Variants in ROPN1B observed in about 807,000 individuals in gnomAD.
The protein encoded by ROPN1B is rhophilin associated tail protein 1B, also known as ropporin-1B.
In ROPN1B, 13 loss-of-function variants were observed where a neutral mutation model predicts 23.7. The ratio of observed to expected loss-of-function variants is 0.55; its 90% CI spans 0.36 to 0.87. The LOEUF (loss-of-function observed/expected upper bound fraction) is 0.87. Ranked by LOEUF, ROPN1B falls within the 40% of genes least tolerant of loss-of-function variation. The probability of loss-of-function intolerance (pLI) is 0.01; values close to 1 mark genes in which losing one functional copy is unlikely to be tolerated. For missense variants in ROPN1B, 183 were observed against 249.2 expected (o/e 0.73, Z 1.79); for synonymous variants, 67 against 100.4 (o/e 0.67, Z 1.99).
At chr3:125,981,918 G>C (rs1938622423) in intron 5 of ROPN1B, among the ~76,000 whole-genome samples, 1 of 152,096 alleles carries the variant, frequency 6.6e-6, no homozygotes, top group African/African-American at 2.4e-5. Context: ...GATAAGATTG[G>C]AGGGTAATAA....
chr3:125,975,705 G>A (rs2107602754), intron 4 of ROPN1B, 25 bp downstream of exon 4: 1 of 1,583,712 alleles, frequency 6.3e-7, no homozygotes, highest in Non-Finnish European at 8.6e-7. Flanking sequence ...GCAGCATTGA[G>A]GAGAATGTAG....
intron 3 of ROPN1B, among the ~76,000 whole-genome samples, chr3:125,974,534 C>A (rs1938336482): frequency 2.0e-5 from 3 of 152,160 alleles, no homozygotes; most frequent in African/African-American, 4.8e-5. Context: ...AAAAGCAGGG[C>A]GGAACAGAAA....
intron 5 of ROPN1B, among the ~76,000 whole-genome samples, chr3:125,982,011 A>C (rs1015919450): frequency 8.5e-5 from 13 of 152,192 alleles, no homozygotes; most frequent in Admixed American, 4.6e-4. Flanking sequence ...AATATCTTAA[A>C]GTATTTAGGA....
At chr3:125,979,724 T>G (rs541927963) in intron 5 of ROPN1B, among the ~76,000 whole-genome samples, 5 of 152,352 alleles carry the variant, frequency 3.3e-5, no homozygotes, top group Admixed American at 1.3e-4. Context: ...AGCCCAGAGT[T>G]TCTCTTTCCT....
At chr3:125,969,885 C>G (rs1230237581) in intron 1 of ROPN1B, 1 of 150,340 alleles carries the variant, frequency 6.7e-6, no homozygotes, top group Non-Finnish European at 1.5e-5. Flanking sequence ...ACTCCTATCA[C>G]ATATTATTTT....
intron 3 of ROPN1B, among the ~76,000 whole-genome samples, chr3:125,975,285 C>T (rs533611558): frequency 6.6e-6 from 1 of 152,318 alleles, no homozygotes; most frequent in Admixed American, 6.5e-5. Flanking sequence ...CAATATGCTC[C>T]AGGGAATTGC....
chr3:125,981,185 C>A (rs1346631526), intron 5 of ROPN1B, among the ~76,000 whole-genome samples: 1 of 152,126 alleles, frequency 6.6e-6, no homozygotes, highest in African/African-American at 2.4e-5. Flanking sequence ...GTAAAACTAT[C>A]ACTCAAGGAA....
chr3:125,973,046 A>G, intron 3 of ROPN1B: 1 of 364,808 alleles, frequency 2.7e-6, no homozygotes, highest in Admixed American at 3.6e-5. Context: ...TTGAGACAGG[A>G]GTTGGAAGAT....
At chr3:125,973,966 T>C (rs1034461858) in intron 3 of ROPN1B, 5 of 153,824 alleles carry the variant, frequency 3.3e-5, no homozygotes, top group South Asian at 2.1e-4. Flanking sequence ...CTGGTAGGCA[T>C]GTGTTACAAC....
chr3:125,978,520 T>C (rs777853228), intron 5 of ROPN1B, among the ~76,000 whole-genome samples: 1 of 152,222 alleles, frequency 6.6e-6, no homozygotes, highest in Non-Finnish European at 1.5e-5. Flanking sequence ...CCACGCTCTC[T>C]TCTCCAAGAT....
At chr3:125,981,177 A>G (rs894454700) in intron 5 of ROPN1B, among the ~76,000 whole-genome samples, 10 of 152,252 alleles carry the variant, frequency 6.6e-5, no homozygotes, top group African/African-American at 2.4e-4. Flanking sequence ...GCCATCAAGT[A>G]AAACTATCAC....
intron 4 of ROPN1B, 96 bp downstream of exon 4, chr3:125,975,776 G>GACCACTTAGC (rs1275905145): frequency 3.5e-6 from 4 of 1,138,652 alleles, no homozygotes; most frequent in Non-Finnish European, 2.5e-6. Flanking sequence ...CCAGTCAGCT[G>GACCACTTAGC]ACCACTTAGC....
At position 125,975,623 on chromosome 3, in the gene ROPN1B, C is replaced by A. The variant is rs541348602; in HGVS notation, c.177C>A (p.Val59=). 3 of 1,614,054 alleles carry A rather than the reference C, an allele frequency of 1.9e-6. No individual in the cohort carries two copies. The highest frequency in any genetic ancestry group is 2.5e-6 in the Non-Finnish European group (3 of 1,179,998). Residue 59 remains valine (V), a synonymous_variant, in exon 4 of 7, where the codon GTC becomes GTA. Transcript: ENST00000514116. ...TPPVRERSER[V]ALCNWAELTP... is the part of the protein sequence containing the mutation. ...CGGTGAGAGAGCGGTCTGAGCGAGT[C>A]GCTTTGTGTAACTGGGCAGAGCTAA...
chr3:125,972,217 G>C (rs759585437), intron 3 of ROPN1B, 47 bp downstream of exon 3: 14 of 1,597,390 alleles, frequency 8.8e-6, no homozygotes, highest in East Asian at 4.5e-5. Flanking sequence ...CGGGCGGGGA[G>C]AGAGGGTCCT....
At chr3:125,979,596 A>C (rs1310432091) in intron 5 of ROPN1B, among the ~76,000 whole-genome samples, 2 of 152,150 alleles carry the variant, frequency 1.3e-5, no homozygotes, top group Non-Finnish European at 2.9e-5. Flanking sequence ...GTGAGCAATA[A>C]ATTTCTGTTG....
Position 125,982,294 on chromosome 3 carries a change from G to A in ROPN1B, c.421G>A (p.Val141Met). 6.2e-7 allele frequency: 1 copy of A among 1,610,862 alleles called. No individual in the cohort carries two copies. The highest frequency in any genetic ancestry group is 8.5e-7 in the Non-Finnish European group (1 of 1,178,874). Residue 141 changes from valine (V) to methionine (M), a missense_variant, in exon 6 of 7, where the codon GTG (valine) becomes ATG (methionine). Val to Met is a conservative substitution (Grantham distance 21). This residue lies in a region of ROPN1B where 80 missense variants were observed against 98.0 expected (regional missense o/e 0.82). Coordinates refer to ENST00000514116, the MANE Select transcript of ROPN1B (RefSeq NM_001308313.2). ...GACTATTACCAAAACTCTCAAGATA[G>A]TGTGTGAGGTCTTATCATGTGACCA... ...GVTITKTLKI[V>M]CEVLSCDHNG...
At chr3:125,972,975 C>T (rs1448790463) in intron 3 of ROPN1B, 4 of 384,926 alleles carry the variant, frequency 1.0e-5, no homozygotes, top group African/African-American at 8.5e-5. Flanking sequence ...CACAGAAAGC[C>T]TCTCAGCTAT....
intron 5 of ROPN1B, among the ~76,000 whole-genome samples, chr3:125,980,763 G>C (rs1938584755): frequency 6.6e-6 from 1 of 151,834 alleles, no homozygotes; most frequent in South Asian, 2.1e-4. Flanking sequence ...TTGTTTGTTT[G>C]TTTTTTACAG....
chr3:125,971,826 G>T (rs1938216249), intron 2 of ROPN1B, among the ~76,000 whole-genome samples: 1 of 152,178 alleles, frequency 6.6e-6, no homozygotes. Flanking sequence ...AAAAAGGACT[G>T]TGTAATTTTT....
Sources: gnomAD v4.1 joint callset for allele counts (sites outside exome capture counted in the v4.1 genomes callset) on GRCh38, gnomAD v4.1.1 for gene constraint, gnomAD v4.1.1 regional missense constraint, MANE v1.5 for transcripts, NCBI Gene and HGNC (gene_info 2026-07-23, HGNC 2026-07-21) for gene names.